ERICH3: variants seen among roughly 807,000 people sequenced by gnomAD.
ERICH3 encodes glutamate-rich protein 3.
Under a neutral mutation model 131.1 loss-of-function variants are expected in ERICH3, and 126 were observed. That is an observed-to-expected ratio of 0.96 (90% CI 0.83 to 1.11). The LOEUF is 1.11. Among genes scored for constraint, ERICH3 ranks in the 50% most tolerant of loss-of-function variants. The pLI is 0.00. For synonymous variants in ERICH3, 695 were observed against 644.6 expected, an observed-to-expected ratio of 1.08 and a Z score of -1.18; for missense variants, 2,050 against 1,810.7, an observed-to-expected ratio of 1.13 and a Z score of -2.40.
intron 3 of ERICH3, among the ~76,000 whole-genome samples, chr1:74,646,437 G>A (rs566702556): frequency 7.2e-5 from 11 of 152,068 alleles, no homozygotes; most frequent in Admixed American, 3.3e-4. Context: ...AAAAGCTTAC[G>A]CTAGACTTCT....
intron 1 of ERICH3, among the ~76,000 whole-genome samples, chr1:74,673,239 T>G (rs1241957252): frequency 6.6e-6 from 1 of 152,190 alleles, no homozygotes; most frequent in African/African-American, 2.4e-5. Context: ...TTCACTTCCA[T>G]TTTTTAATCC....
intron 11 of ERICH3, among the ~76,000 whole-genome samples, chr1:74,590,433 G>A (rs552303532): frequency 2.4e-4 from 37 of 152,284 alleles, no homozygotes; most frequent in African/African-American, 8.7e-4. Context: ...CCCTGAGCTT[G>A]TTTTCCTGCA....
chr1:74,630,102 G>A (rs139946621), intron 7 of ERICH3, among the ~76,000 whole-genome samples: 17 of 152,218 alleles, frequency 1.1e-4, no homozygotes, highest in African/African-American at 3.1e-4. Context: ...GCATGAACAG[G>A]TAGAATGTAT....
intron 12 of ERICH3, chr1:74,579,976 T>G (rs1647148046): frequency 1.3e-6 from 1 of 772,580 alleles, no homozygotes. Context: ...TATCAAAATA[T>G]TCTTATTTTA....
In ERICH3 at chr1:74,605,941, G is replaced by A. The variant is rs190670075; in HGVS notation, c.1489+660C>T. Among the ~76,000 whole-genome samples, 437 of 143,226 alleles carry A rather than the reference G, an allele frequency of 3.1e-3. 1 individual carries two copies. The highest frequency in any genetic ancestry group is 0.011 in the African/African-American group (421 of 38,560). 94.0% of individuals were successfully genotyped at this position (143,226 alleles called of 152,430 possible). Reference sequence around the variant, plus strand: ...ATTTGCAAAGCTTGCACAATAAAGTGAGCACAATAAAATGAGATGTGCCTG... The same window carrying A: ...ATTTGCAAAGCTTGCACAATAAAGTAAGCACAATAAAATGAGATGTGCCTG... On this transcript the variant is annotated intron_variant, in intron 10 of 14. Transcript: ENST00000326665.
At chr1:74,610,178 G>C (rs953048724) in intron 9 of ERICH3, among the ~76,000 whole-genome samples, 3 of 151,812 alleles carry the variant, frequency 2.0e-5, no homozygotes, top group Non-Finnish European at 4.4e-5. Context: ...CCTAAGTACA[G>C]CTGGGCATTG....
chr1:74,617,285 CAACA>C, intron 8 of ERICH3, among the ~76,000 whole-genome samples: 1 of 150,830 alleles, frequency 6.6e-6, no homozygotes, highest in South Asian at 2.1e-4. Context: ...ATGTAGTTTT[CAACA>C]AACAATCAAA....
intron 3 of ERICH3, among the ~76,000 whole-genome samples, chr1:74,643,539 C>T (rs1356554784): frequency 6.6e-6 from 1 of 151,998 alleles, no homozygotes; most frequent in Non-Finnish European, 1.5e-5. Flanking sequence ...AAGGTTCATA[C>T]AGATTTTGTT....
At chr1:74,623,156 C>T (rs1007177808) in intron 7 of ERICH3, 1 of 152,188 alleles carries the variant, frequency 6.6e-6, no homozygotes, top group Non-Finnish European at 1.5e-5. Flanking sequence ...AAATTCAGTT[C>T]CATTTGAAGA....
chr1:74,627,543 T>C (rs1649459112), intron 7 of ERICH3, among the ~76,000 whole-genome samples: 1 of 152,100 alleles, frequency 6.6e-6, no homozygotes, highest in South Asian at 2.1e-4. Flanking sequence ...ATTCTCAGAT[T>C]GAATCAAACA....
intron 1 of ERICH3, among the ~76,000 whole-genome samples, chr1:74,669,146 G>C (rs959089583): frequency 2.0e-5 from 3 of 152,142 alleles, no homozygotes; most frequent in Admixed American, 1.3e-4. Context: ...TGCATTATCA[G>C]GGAGTACTAA....
intron 2 of ERICH3, among the ~76,000 whole-genome samples, chr1:74,647,746 A>C (rs2100640903): frequency 6.6e-6 from 1 of 152,214 alleles, no homozygotes; most frequent in East Asian, 1.9e-4. Flanking sequence ...TGCTAACTGT[A>C]GTTTTTAACA....
chr1:74,613,001 A>G (rs1053687613), intron 8 of ERICH3, among the ~76,000 whole-genome samples, 192 bp from the exon 9 acceptor site: 2 of 152,168 alleles, frequency 1.3e-5, no homozygotes, highest in Non-Finnish European at 1.5e-5. Context: ...TAACACAAAC[A>G]ATAACTGATG....
intron 11 of ERICH3, among the ~76,000 whole-genome samples, chr1:74,593,600 C>A (rs928912720): frequency 2.0e-5 from 3 of 152,060 alleles, no homozygotes; most frequent in African/African-American, 7.2e-5. Context: ...ATAAATTTCT[C>A]TCTTGTAATT....
At chr1:74,645,184 G>T (rs1271936713) in intron 3 of ERICH3, among the ~76,000 whole-genome samples, 1 of 151,376 alleles carries the variant, frequency 6.6e-6, no homozygotes, top group African/African-American at 2.4e-5. Flanking sequence ...CTCTCTTCTA[G>T]CACTTAGTCA....
At chr1:74,617,292 C>A (rs1383986876) in intron 8 of ERICH3, among the ~76,000 whole-genome samples, 1 of 150,730 alleles carries the variant, frequency 6.6e-6, no homozygotes, top group African/African-American at 2.4e-5. Context: ...TTTCAACAAA[C>A]AATCAAAAGA....
At position 74,590,201 on chromosome 1, in the gene ERICH3, A is replaced by T. The variant is rs1647524363; in HGVS notation, c.1727-121T>A. 3.4e-6 allele frequency: 3 copies of T among 883,568 alleles called. No individual in the cohort carries two copies. In the South Asian group the frequency reaches 5.8e-5, roughly 17 times the overall value. The allele number at this position is 883,568 out of a possible 1,614,324, so 54.7% of individuals were successfully genotyped here. A position where few individuals can be genotyped will look rare whatever the true frequency, so the allele number is the denominator to read the frequency against. On this transcript the variant is annotated intron_variant, in intron 11 of 14. Transcript: ENST00000326665. ...TAAAACATAGTTTAATATAGACCTGATATCCTTTTCCCATATAGTCTACTC... is the reference window on the plus strand; with the variant it reads ...TAAAACATAGTTTAATATAGACCTGTTATCCTTTTCCCATATAGTCTACTC...
intron 1 of ERICH3, 31 bp downstream of exon 1, chr1:74,673,466 A>T: frequency 6.2e-7 from 1 of 1,610,590 alleles, no homozygotes; most frequent in Non-Finnish European, 8.5e-7. Flanking sequence ...GCCACCTGCC[A>T]CAGCGTGGAA....
intron 11 of ERICH3, among the ~76,000 whole-genome samples, chr1:74,594,332 T>C (rs1647747591): frequency 1.3e-5 from 2 of 151,464 alleles, no homozygotes; most frequent in Admixed American, 6.6e-5. Flanking sequence ...CAGTCTTCAC[T>C]GTTTATACTG....
Sources: gnomAD v4.1 joint callset for allele counts (sites outside exome capture counted in the v4.1 genomes callset) on GRCh38, gnomAD v4.1.1 for gene constraint, MANE v1.5 for transcripts, NCBI Gene and HGNC (gene_info 2026-07-23, HGNC 2026-07-21) for gene names.